The following GOLM2 variants were observed in gnomAD, a reference collection of about 807,000 sequenced individuals.
The protein encoded by GOLM2 is protein GOLM2.
GOLM2 carries 26 observed loss-of-function variants against 55.9 expected under a neutral mutation model. The ratio of observed to expected loss-of-function variants is 0.47; its 90% confidence interval spans 0.34 to 0.65. The LOEUF is 0.65. Ranked by LOEUF, GOLM2 falls within the 30% of genes least tolerant of loss-of-function variation. GOLM2 has a pLI of 0.01. For synonymous variants in GOLM2, 165 were observed against 194.6 expected, an observed-to-expected ratio of 0.85 and a Z score of 1.27; for missense variants, 486 against 531.8, an observed-to-expected ratio of 0.91 and a Z score of 0.85.
At position 44,403,030 on chromosome 15, in the gene GOLM2, G is replaced by A; in HGVS notation, c.1216G>A (p.Asp406Asn). ...GGCTTACAATGAGGAAGAAGATGGT[G>A]ATGGTGGAGAGGAAGACGTCCAAGG... Reference protein sequence around the residue: ...ELAYNEEEDGDGGEEDVQDDE... With the variant: ...ELAYNEEEDGNGGEEDVQDDE... Residue 406 changes from aspartate (D) to asparagine (N), a missense_variant, in exon 9 of 10, where the codon GAT (aspartate) becomes AAT (asparagine). Physicochemically the swap from Asp to Asn is conservative, Grantham distance 23 (BLOSUM62 1). Transcript: ENST00000299957. The A allele has an allele frequency of 1.2e-6, 2 of 1,614,142 alleles. No individual in the cohort carries two copies. Among genetic ancestry groups the A allele is most frequent in the East Asian group, 4.5e-5 (2 of 44,876 alleles).
chr15:44,361,388 C>A (rs1391422185), intron 6 of GOLM2, among the ~76,000 whole-genome samples: 1 of 137,248 alleles, frequency 7.3e-6, no homozygotes, highest in South Asian at 2.4e-4. Context: ...CACAGAAATA[C>A]AAACTATCAT....
Position 44,382,997 on chromosome 15 carries a change from T to C in GOLM2, c.1072+2021T>C, listed in dbSNP as rs975894809. On this transcript the variant is annotated intron_variant, in intron 8 of 9. Coordinates refer to ENST00000299957, the MANE Select transcript of GOLM2 (RefSeq NM_138423.4). ...CATATTATTTTCCATTTATCATTAA[T>C]GTATATGGAGAGTTGAAATCAATGC... Among the ~76,000 whole-genome samples, 7 of 151,442 alleles carry C rather than the reference T, an allele frequency of 4.6e-5. No individual in the cohort carries two copies. In the East Asian group the frequency reaches 1.4e-3, roughly 29 times the overall value.
intron 6 of GOLM2, among the ~76,000 whole-genome samples, chr15:44,342,682 ATGGTAAC>A (rs1413369513): frequency 6.6e-6 from 1 of 152,222 alleles, no homozygotes; most frequent in Admixed American, 6.5e-5. Flanking sequence ...TTATTTTGAA[ATGGTAAC>A]TGGTAGAAGG....
chr15:44,304,975 T>C (rs1445417629), intron 1 of GOLM2, among the ~76,000 whole-genome samples: 2 of 152,198 alleles, frequency 1.3e-5, no homozygotes, highest in African/African-American at 2.4e-5. Context: ...CATGTTCCTG[T>C]TAATATTTTA....
At chr15:44,309,250 T>C (rs561259120) in intron 1 of GOLM2, among the ~76,000 whole-genome samples, 114 of 152,148 alleles carry the variant, frequency 7.5e-4, no homozygotes, top group Non-Finnish European at 6.9e-4. Flanking sequence ...AAAATAGAAC[T>C]ATATTATGAT....
chr15:44,324,099 A>C (rs2078967492), intron 2 of GOLM2, among the ~76,000 whole-genome samples: 1 of 152,202 alleles, frequency 6.6e-6, no homozygotes, highest in East Asian at 1.9e-4. Context: ...GCTGCTTCCA[A>C]CTTGCAATTT....
At chr15:44,378,220 T>A (rs2079377484) in intron 6 of GOLM2, among the ~76,000 whole-genome samples, 1 of 151,308 alleles carries the variant, frequency 6.6e-6, no homozygotes, top group Admixed American at 6.6e-5. Context: ...GGCTAATTTT[T>A]ATTTTTTTGT....
chr15:44,337,712 T>G (rs2079066290), intron 4 of GOLM2, 51 bp from the exon 5 acceptor site: 2 of 1,317,664 alleles, frequency 1.5e-6, no homozygotes, highest in Admixed American at 2.6e-5. Flanking sequence ...GTTGTGTCGG[T>G]GGTTTAACAA....
intron 1 of GOLM2, among the ~76,000 whole-genome samples, chr15:44,291,199 T>G (rs1200904293): frequency 6.6e-6 from 1 of 151,572 alleles, no homozygotes; most frequent in Non-Finnish European, 1.5e-5. Flanking sequence ...ACTATAGCAT[T>G]GAAATCCTGA....
At chr15:44,383,097 A>G (rs887920834) in intron 8 of GOLM2, among the ~76,000 whole-genome samples, 1 of 150,904 alleles carries the variant, frequency 6.6e-6, no homozygotes, top group Non-Finnish European at 1.5e-5. Flanking sequence ...TTATTAATAT[A>G]TACACATATA....
chr15:44,382,409 C>G (rs1259983536), intron 8 of GOLM2, among the ~76,000 whole-genome samples: 1 of 151,944 alleles, frequency 6.6e-6, no homozygotes, highest in African/African-American at 2.4e-5. Context: ...TCACTGCAAC[C>G]TCCGCCTCCC....
intron 8 of GOLM2, among the ~76,000 whole-genome samples, chr15:44,392,722 T>G (rs1298051721): frequency 6.6e-6 from 1 of 151,964 alleles, no homozygotes. Flanking sequence ...AATCTGAAAA[T>G]TCAAGATTGT....
At chr15:44,296,612 C>T (rs1567018875) in intron 1 of GOLM2, among the ~76,000 whole-genome samples, 1 of 152,152 alleles carries the variant, frequency 6.6e-6, no homozygotes, top group Non-Finnish European at 1.5e-5. Flanking sequence ...AAAACAGTGC[C>T]TACTACATTG....
chr15:44,301,164 T>C (rs1373588384), intron 1 of GOLM2, among the ~76,000 whole-genome samples: 1 of 152,188 alleles, frequency 6.6e-6, no homozygotes, highest in Non-Finnish European at 1.5e-5. Context: ...CACTGCAGCC[T>C]CAGACTCCTG....
chr15:44,292,089 A>G (rs1472236386), intron 1 of GOLM2, among the ~76,000 whole-genome samples: 1 of 151,970 alleles, frequency 6.6e-6, no homozygotes, highest in Non-Finnish European at 1.5e-5. Flanking sequence ...TATCTTAACT[A>G]CTTTTAAGTG....
chr15:44,342,027 G>T (rs538010947), intron 6 of GOLM2, among the ~76,000 whole-genome samples: 1 of 151,920 alleles, frequency 6.6e-6, no homozygotes, highest in Non-Finnish European at 1.5e-5. Context: ...AATGAATAGC[G>T]CTACTTTTGA....
At chr15:44,386,532 G>A (rs1294373406) in intron 8 of GOLM2, among the ~76,000 whole-genome samples, 1 of 151,988 alleles carries the variant, frequency 6.6e-6, no homozygotes, top group Non-Finnish European at 1.5e-5. Flanking sequence ...TAATTTTATT[G>A]TAGGATCTGC....
chr15:44,384,701 C>T lies in GOLM2; in HGVS notation c.1072+3725C>T, dbSNP rs537390845. On this transcript the variant is annotated intron_variant, in intron 8 of 9. Transcript: ENST00000299957. ...GGCAGAGCTTGCAGTGAGCCAAGAT[C>T]GCGCCACTGCACTCCAGCCTGGGCG... Among the ~76,000 whole-genome samples the T allele has an allele frequency of 1.7e-3, 257 of 151,668 alleles. 1 individual carries two copies. The highest frequency in any genetic ancestry group is 6.0e-3 in the African/African-American group (246 of 41,330).
At chr15:44,399,412 C>T (rs1404531420) in intron 8 of GOLM2, among the ~76,000 whole-genome samples, 1 of 152,122 alleles carries the variant, frequency 6.6e-6, no homozygotes, top group African/African-American at 2.4e-5. Flanking sequence ...TATAATAGCA[C>T]AGATCACTGT....
Sources: gnomAD v4.1 joint callset for allele counts (sites outside exome capture counted in the v4.1 genomes callset) on GRCh38, gnomAD v4.1.1 for gene constraint, MANE v1.5 for transcripts, NCBI Gene and HGNC (gene_info 2026-07-23, HGNC 2026-07-21) for gene names.